The following TESK2 variants were observed in gnomAD, a reference collection of about 807,000 sequenced individuals.
TESK2 encodes the protein testis associated actin remodelling kinase 2, also known as dual specificity testis-specific protein kinase 2.
Under a neutral mutation model 57.1 loss-of-function variants are expected in TESK2, and 39 were observed. That is an observed-to-expected ratio of 0.68 (90% confidence interval 0.53 to 0.89). TESK2 has a LOEUF of 0.89. Among genes scored for constraint, TESK2 ranks in the 40% least tolerant of loss-of-function variants. TESK2 has a pLI of 0.00. For synonymous variants in TESK2, 249 were observed against 267.9 expected (o/e 0.93, Z 0.69); for missense variants, 646 against 732.1 (o/e 0.88, Z 1.36).
At chr1:45,415,233 C>G in intron 3 of TESK2, 1 of 1,471,986 alleles carries the variant, frequency 6.8e-7, no homozygotes, top group Non-Finnish European at 9.5e-7. Flanking sequence ...AGCATGTGGT[C>G]TTTGGCAAGG....
At chr1:45,427,234 C>CAAAAAAAAAAAAAAAAA (rs111269135) in intron 2 of TESK2, among the ~76,000 whole-genome samples, 1 of 129,504 alleles carries the variant, frequency 7.7e-6, no homozygotes, top group Non-Finnish European at 1.6e-5. Context: ...GACTCTGTCT[C>CAAAAAAAAAAAAAAAAA]AAAAAAAAAA....
intron 3 of TESK2, among the ~76,000 whole-genome samples, chr1:45,417,894 A>G (rs1691215): frequency 0.97 from 148,318 of 152,296 alleles, 72,357 homozygotes; most frequent in East Asian, 1. Context: ...CCCAGCATAC[A>G]TTTTCTTTTA....
intron 4 of TESK2, among the ~76,000 whole-genome samples, chr1:45,365,177 G>A (rs1647856568): frequency 6.6e-6 from 1 of 152,146 alleles, no homozygotes; most frequent in Admixed American, 6.5e-5. Flanking sequence ...AGTGCCCTGT[G>A]GGAGGCTTGT....
intron 2 of TESK2, among the ~76,000 whole-genome samples, chr1:45,429,717 G>A (rs576947304): frequency 8.5e-5 from 13 of 152,236 alleles, no homozygotes; most frequent in Non-Finnish European, 1.6e-4. Context: ...CAAGAAATCA[G>A]GAAAGAGAGA....
chr1:45,413,037 C>A (rs1164650491), intron 3 of TESK2, among the ~76,000 whole-genome samples: 3 of 152,008 alleles, frequency 2.0e-5, no homozygotes, highest in Non-Finnish European at 4.4e-5. Context: ...GTGTATAGTT[C>A]CTCAAAAAGG....
At chr1:45,393,579 A>G (rs1649233162) in intron 3 of TESK2, among the ~76,000 whole-genome samples, 1 of 152,106 alleles carries the variant, frequency 6.6e-6, no homozygotes, top group Non-Finnish European at 1.5e-5. Flanking sequence ...CATCTCTACT[A>G]AAAATACAAA....
chr1:45,426,862 GATC>G (rs1235533230), intron 2 of TESK2, among the ~76,000 whole-genome samples: 1 of 152,068 alleles, frequency 6.6e-6, no homozygotes, highest in Admixed American at 6.6e-5. Flanking sequence ...CAACATCACT[GATC>G]ATCACAGAAA....
chr1:45,389,570 ACTG>A (rs1260519254), intron 3 of TESK2, among the ~76,000 whole-genome samples: 1 of 152,196 alleles, frequency 6.6e-6, no homozygotes, highest in Non-Finnish European at 1.5e-5. Context: ...AGCCTCCATA[ACTG>A]TAAGAAATAG....
intron 1 of TESK2, among the ~76,000 whole-genome samples, chr1:45,466,166 A>C (rs1023271140): frequency 6.6e-6 from 1 of 152,048 alleles, no homozygotes; most frequent in African/African-American, 2.4e-5. Flanking sequence ...ACATGGTTAA[A>C]CCTAATCTCT....
intron 4 of TESK2, among the ~76,000 whole-genome samples, chr1:45,364,454 T>C (rs1208049835): frequency 6.6e-6 from 1 of 152,236 alleles, no homozygotes. Context: ...GATCTTCCCG[T>C]AGAGCCTTCA....
At position 45,456,035 on chromosome 1, in the gene TESK2, A is replaced by G. The variant is rs1388882349; in HGVS notation, c.222+1529T>C. Reference sequence around the variant, plus strand: ...AGGTGAAACCCCAACTCTCCAAAAAATACAAAAATTAGCTGGGCATGGTGT... The same window carrying G: ...AGGTGAAACCCCAACTCTCCAAAAAGTACAAAAATTAGCTGGGCATGGTGT... On this transcript the variant is annotated intron_variant, in intron 2 of 10. Coordinates refer to ENST00000372086, the MANE Select transcript of TESK2 (RefSeq NM_007170.3). Among the ~76,000 whole-genome samples, 4 of 151,508 alleles carry G rather than the reference A, an allele frequency of 2.6e-5. No homozygotes were observed. The East Asian group carries it at 7.8e-4, about 29-fold the overall frequency.
intron 3 of TESK2, among the ~76,000 whole-genome samples, chr1:45,401,067 T>TA (rs1032597589): frequency 2.1e-5 from 3 of 143,198 alleles, no homozygotes; most frequent in African/African-American, 7.6e-5. Flanking sequence ...AGGTGTGACA[T>TA]AGTCTAAAAC....
intron 3 of TESK2, among the ~76,000 whole-genome samples, chr1:45,403,494 C>T (rs1385905763): frequency 1.3e-5 from 2 of 152,192 alleles, no homozygotes. Context: ...CATCAGGTGA[C>T]ACTAAGCAGA....
intron 2 of TESK2, among the ~76,000 whole-genome samples, chr1:45,442,391 T>C (rs1259398978): frequency 2.0e-5 from 3 of 152,146 alleles, no homozygotes; most frequent in African/African-American, 7.2e-5. Flanking sequence ...ACATCATGGG[T>C]AATGACGTGT....
chr1:45,382,836 C>T (rs922593544), intron 4 of TESK2, among the ~76,000 whole-genome samples: 4 of 152,072 alleles, frequency 2.6e-5, no homozygotes, highest in African/African-American at 9.7e-5. Context: ...CCATTGCACT[C>T]CAGCCTGGGC....
intron 3 of TESK2, among the ~76,000 whole-genome samples, chr1:45,396,260 AT>A (rs1039374337): frequency 6.6e-6 from 1 of 151,532 alleles, no homozygotes; most frequent in Non-Finnish European, 1.5e-5. Flanking sequence ...TACCTGGCTA[AT>A]TTTTTTGTAT....
chr1:45,465,874 C>T (rs1028418299), intron 1 of TESK2, among the ~76,000 whole-genome samples: 1 of 151,826 alleles, frequency 6.6e-6, no homozygotes, highest in East Asian at 1.9e-4. Flanking sequence ...TTATAAGTAG[C>T]AATGTGAATG....
chr1:45,397,563 C>T (rs1649416827), intron 3 of TESK2, among the ~76,000 whole-genome samples: 1 of 152,170 alleles, frequency 6.6e-6, no homozygotes, highest in Non-Finnish European at 1.5e-5. Flanking sequence ...CTATTACATC[C>T]ACCTGCATTC....
chr1:45,410,198 A>T (rs1255975440), intron 3 of TESK2, among the ~76,000 whole-genome samples: 2 of 152,156 alleles, frequency 1.3e-5, no homozygotes, highest in African/African-American at 2.4e-5. Context: ...GTTACAAAAG[A>T]TGCTTTGTGA....
Sources: allele counts gnomAD v4.1 joint callset (sites outside exome capture counted in the v4.1 genomes callset), GRCh38; gene constraint gnomAD v4.1.1; transcripts MANE v1.5; gene names NCBI Gene and HGNC (gene_info 2026-07-23, HGNC 2026-07-21).